Variants in GRID1 observed in about 807,000 individuals in gnomAD.
The protein encoded by GRID1 is glutamate receptor ionotropic, delta-1.
Under a neutral mutation model 98.0 loss-of-function variants are expected in GRID1, and 28 were observed. The observed-to-expected ratio is 0.29, with a 90% CI of 0.21 to 0.39. The LOEUF is 0.39. Ranked by LOEUF, GRID1 falls within the 10% of genes least tolerant of loss-of-function variation. The pLI is 1.00. For missense variants in GRID1, 1,111 were observed against 1,340.5 expected (o/e 0.83, Z 2.67); for synonymous variants, 553 against 538.5 (o/e 1.03, Z -0.37).
At chr10:85,780,797 T>G (rs1394165623) in intron 8 of GRID1, among the ~76,000 whole-genome samples, 1 of 152,220 alleles carries the variant, frequency 6.6e-6, no homozygotes, top group Non-Finnish European at 1.5e-5. Flanking sequence ...ATCATGGAAG[T>G]CAAGTCACAG....
intron 3 of GRID1, among the ~76,000 whole-genome samples, chr10:86,144,699 A>C (rs1007693448): frequency 6.6e-6 from 1 of 151,918 alleles, no homozygotes; most frequent in Non-Finnish European, 1.5e-5. Context: ...AGGCACAATC[A>C]TATGCCCCTC....
intron 13 of GRID1, among the ~76,000 whole-genome samples, chr10:85,621,015 A>T (rs532867527): frequency 6.6e-6 from 1 of 152,192 alleles, no homozygotes; most frequent in Non-Finnish European, 1.5e-5. Flanking sequence ...GCACTCATCC[A>T]CAGCAGAGGT....
intron 12 of GRID1, among the ~76,000 whole-genome samples, chr10:85,652,518 C>A (rs1021729450): frequency 6.6e-6 from 1 of 152,224 alleles, no homozygotes; most frequent in South Asian, 2.1e-4. Flanking sequence ...TCAAAAGACA[C>A]GGGAGGGTGG....
At chr10:85,681,200 A>G (rs1841204764) in intron 12 of GRID1, among the ~76,000 whole-genome samples, 1 of 152,118 alleles carries the variant, frequency 6.6e-6, no homozygotes, top group South Asian at 2.1e-4. Context: ...GCCCAATCTC[A>G]TGTTCAAGTT....
chr10:86,306,311 G>T (rs575129382), intron 2 of GRID1, among the ~76,000 whole-genome samples: 44 of 152,310 alleles, frequency 2.9e-4, no homozygotes, highest in Non-Finnish European at 5.3e-4. Flanking sequence ...AGTATTCATG[G>T]GCTCTGGTGG....
At chr10:86,357,788 C>G (rs550903289) in intron 2 of GRID1, among the ~76,000 whole-genome samples, 3 of 152,222 alleles carry the variant, frequency 2.0e-5, no homozygotes, top group South Asian at 4.2e-4. Context: ...GGGCCTAACT[C>G]CAGACTATCA....
intron 12 of GRID1, among the ~76,000 whole-genome samples, chr10:85,662,265 C>T (rs1840973666): frequency 6.6e-6 from 1 of 152,216 alleles, no homozygotes; most frequent in African/African-American, 2.4e-5. Flanking sequence ...GGTCAACAAA[C>T]AGGGATACCT....
intron 8 of GRID1, among the ~76,000 whole-genome samples, chr10:85,823,976 T>C (rs55988296): frequency 0.053 from 8,069 of 152,084 alleles, 516 homozygotes; most frequent in East Asian, 0.25. Context: ...TAAAGAAAGT[T>C]CCTTGGGTAG....
chr10:85,602,530 G>C lies in GRID1; in HGVS notation c.2773C>G (p.Leu925Val). ...EPTREYQNTQ[L>V]SVSTFLPEQS... ...TCTGGCAGAAAGGTGCTGACCGAGAGCTGGGTGTTCTGGTACTCCCGTGTC... is the reference window on the plus strand; with the variant it reads ...TCTGGCAGAAAGGTGCTGACCGAGACCTGGGTGTTCTGGTACTCCCGTGTC... Residue 925 changes from leucine (L) to valine (V), a missense_variant, in exon 16 of 16, where the codon CTC (leucine) becomes GTC (valine). Around this residue, in one of 3 missense-constraint regions of GRID1, gnomAD observed 762 missense variants for 869.1 expected, o/e 0.88. Transcript: ENST00000327946. 1.2e-6 allele frequency: 2 copies of C among 1,614,182 alleles called. No individual in the cohort carries two copies. The highest frequency in any genetic ancestry group is 1.7e-6 in the Non-Finnish European group (2 of 1,180,042).
chr10:86,057,489 T>C (rs1202638543), intron 4 of GRID1, among the ~76,000 whole-genome samples: 2 of 152,218 alleles, frequency 1.3e-5, no homozygotes, highest in Non-Finnish European at 2.9e-5. Context: ...TAAATAAAGA[T>C]GATAACCTTT....
chr10:85,832,539 C>T (rs887253845), intron 8 of GRID1, among the ~76,000 whole-genome samples: 5 of 152,114 alleles, frequency 3.3e-5, no homozygotes, highest in Admixed American at 1.3e-4. Flanking sequence ...GTGAGAGTTT[C>T]TGAAGAAGAT....
chr10:85,653,043 C>A (rs1423978462), intron 12 of GRID1, among the ~76,000 whole-genome samples: 1 of 152,164 alleles, frequency 6.6e-6, no homozygotes, highest in East Asian at 1.9e-4. Flanking sequence ...ACAGATAGTG[C>A]CTATGTGGTC....
intron 4 of GRID1, among the ~76,000 whole-genome samples, chr10:85,931,582 C>A (rs1236957253): frequency 6.6e-6 from 1 of 152,100 alleles, no homozygotes. Context: ...GCTCCCTGTT[C>A]TTTTTCATAG....
At chr10:86,088,704 C>A (rs1228034615) in intron 4 of GRID1, among the ~76,000 whole-genome samples, 1 of 152,080 alleles carries the variant, frequency 6.6e-6, no homozygotes, top group Non-Finnish European at 1.5e-5. Context: ...AACTAAAAAG[C>A]CCAAACATTG....
intron 4 of GRID1, among the ~76,000 whole-genome samples, chr10:85,978,837 C>T (rs1035821361): frequency 6.6e-6 from 1 of 152,218 alleles, no homozygotes; most frequent in African/African-American, 2.4e-5. Context: ...CTGCATGTGG[C>T]AACCCTGTTT....
At chr10:85,918,193 A>C (rs1215223141) in intron 4 of GRID1, among the ~76,000 whole-genome samples, 2 of 152,368 alleles carry the variant, frequency 1.3e-5, no homozygotes, top group East Asian at 3.9e-4. Context: ...CAGTGGCTGG[A>C]ACACTGAACT....
At position 85,657,892 on chromosome 10, in the gene GRID1, G is replaced by T. The variant is rs372742061; in HGVS notation, c.1998-10495C>A. On this transcript the variant is annotated intron_variant, in intron 12 of 15. Coordinates refer to ENST00000327946, the MANE Select transcript of GRID1 (RefSeq NM_017551.3). ...CTGCTCCCCTGGCTCCTGTGTGCCT[G>T]CCATTCCATGGGAGTCCTGCCAGCC... Among the ~76,000 whole-genome samples, 59 of 152,268 alleles carry T rather than the reference G, an allele frequency of 3.9e-4. No individual in the cohort carries two copies. In the East Asian group the frequency reaches 7.1e-3, roughly 18 times the overall value.
chr10:86,133,759 A>C (rs969612477), intron 4 of GRID1, among the ~76,000 whole-genome samples: 3 of 152,240 alleles, frequency 2.0e-5, no homozygotes, highest in African/African-American at 7.2e-5. Flanking sequence ...AACATCACAC[A>C]GTCCCTGGCC....
At chr10:85,902,290 G>C (rs1322951814) in intron 5 of GRID1, among the ~76,000 whole-genome samples, 2 of 152,150 alleles carry the variant, frequency 1.3e-5, no homozygotes, top group Admixed American at 6.5e-5. Context: ...CTGGATAAAG[G>C]GATGATTCAT....
Sources: allele counts gnomAD v4.1 joint callset (sites outside exome capture counted in the v4.1 genomes callset), GRCh38; gene constraint gnomAD v4.1.1; regional missense constraint gnomAD v4.1.1; transcripts MANE v1.5; gene names NCBI Gene and HGNC (gene_info 2026-07-23, HGNC 2026-07-21).